The following COMMD10 variants were observed in gnomAD, a reference collection of about 807,000 sequenced individuals.
COMMD10 encodes the protein COMM domain containing 10.
In COMMD10, 33 loss-of-function variants were observed where a neutral mutation model predicts 28.9. The ratio of observed to expected loss-of-function variants is 1.14; its 90% CI spans 0.87 to 1.53. The LOEUF (loss-of-function observed/expected upper bound fraction) is 1.53. Among genes scored for constraint, COMMD10 ranks in the 40% most tolerant of loss-of-function variants. COMMD10 has a pLI of 0.00. For synonymous variants in COMMD10, 110 were observed against 81.7 expected (o/e 1.35, Z -1.87); for missense variants, 310 against 233.4 (o/e 1.33, Z -2.14).
intron 4 of COMMD10, among the ~76,000 whole-genome samples, chr5:116,121,277 T>C (rs1751425091): frequency 6.6e-6 from 1 of 152,184 alleles, no homozygotes; most frequent in African/African-American, 2.4e-5. Context: ...TGATGGTTTC[T>C]GGCTTCATTC....
At chr5:116,148,258 T>A (rs114924669) in intron 5 of COMMD10, among the ~76,000 whole-genome samples, 3,165 of 152,012 alleles carry the variant, frequency 0.021, 76 homozygotes, top group Non-Finnish European at 0.029. Flanking sequence ...TTTAGACATA[T>A]AGTTTAGAAT....
rs1751402190 is a variant in COMMD10 at position 116,292,693 on chromosome 5, G to C, written c.*204G>C. On this transcript the variant is annotated 3_prime_UTR_variant, in exon 7 of 7. Coordinates refer to ENST00000274458, the MANE Select transcript of COMMD10 (RefSeq NM_016144.4). ...TCTAATATACTTTCTTTAGTTCTGT[G>C]AGCCAACAGTAATTATTAAGAACAC... 2.4e-6 allele frequency: 1 copy of C among 418,430 alleles called. No homozygotes were observed. The highest frequency in any genetic ancestry group is 8.9e-5 in the South Asian group (1 of 11,190). The allele number at this position is 418,430 out of a possible 1,614,324, so 25.9% of individuals were successfully genotyped here.
At chr5:116,135,074 T>C (rs1458120790) in intron 5 of COMMD10, among the ~76,000 whole-genome samples, 1 of 152,226 alleles carries the variant, frequency 6.6e-6, no homozygotes, top group Non-Finnish European at 1.5e-5. Flanking sequence ...GAGCTTTTTA[T>C]CATATTTTAT....
intron 5 of COMMD10, among the ~76,000 whole-genome samples, chr5:116,165,581 C>T (rs1753061908): frequency 6.6e-6 from 1 of 151,956 alleles, no homozygotes; most frequent in African/African-American, 2.4e-5. Context: ...TTCACATGAT[C>T]TTTCCTAAGG....
At chr5:116,240,127 G>T (rs898193549) in intron 5 of COMMD10, among the ~76,000 whole-genome samples, 4 of 152,010 alleles carry the variant, frequency 2.6e-5, no homozygotes, top group Admixed American at 6.6e-5. Context: ...CCTCTTTCAG[G>T]TTCAACAAAG....
At chr5:116,226,600 G>A (rs1410538974) in intron 5 of COMMD10, among the ~76,000 whole-genome samples, 2 of 151,570 alleles carry the variant, frequency 1.3e-5, no homozygotes, top group African/African-American at 4.8e-5. Context: ...AATATTGGGG[G>A]ACTTGGGACT....
intron 5 of COMMD10, among the ~76,000 whole-genome samples, chr5:116,187,169 G>C (rs1341427943): frequency 6.6e-6 from 1 of 152,036 alleles, no homozygotes; most frequent in Non-Finnish European, 1.5e-5. Flanking sequence ...CCCAGAAAGT[G>C]TTTTCTTCCT....
Position 116,085,038 on chromosome 5 carries a change from G to C in COMMD10, c.-15G>C, listed in dbSNP as rs1484162986. The C allele has an allele frequency of 6.2e-7, 1 of 1,605,464 alleles. No individual in the cohort carries two copies. The highest frequency in any genetic ancestry group is 8.5e-7 in the Non-Finnish European group (1 of 1,177,572). Reference sequence around the variant, plus strand: ...GGCGCAGCTAACAGACGGCGGCAGTGCGAGAAAGCCGAAGATGGCGGTCCC... The same window carrying C: ...GGCGCAGCTAACAGACGGCGGCAGTCCGAGAAAGCCGAAGATGGCGGTCCC... On this transcript the variant is annotated 5_prime_UTR_variant, in exon 1 of 7. Transcript: ENST00000274458.
At chr5:116,116,618 A>G (rs946317531) in intron 4 of COMMD10, among the ~76,000 whole-genome samples, 5 of 152,036 alleles carry the variant, frequency 3.3e-5, no homozygotes, top group African/African-American at 1.2e-4. Flanking sequence ...GCTTAAATTC[A>G]CTGACTATAC....
chr5:116,152,534 AT>A (rs1181327504), intron 5 of COMMD10, among the ~76,000 whole-genome samples: 1 of 152,016 alleles, frequency 6.6e-6, no homozygotes, highest in Non-Finnish European at 1.5e-5. Flanking sequence ...AAGTCTACAA[AT>A]AGCCTCAAAA....
At chr5:116,199,869 C>G (rs1226686332) in intron 5 of COMMD10, among the ~76,000 whole-genome samples, 1 of 152,142 alleles carries the variant, frequency 6.6e-6, no homozygotes, top group Non-Finnish European at 1.5e-5. Context: ...TATGTAGCAC[C>G]ATGCCTGGCT....
At chr5:116,185,910 C>T (rs921398706) in intron 5 of COMMD10, among the ~76,000 whole-genome samples, 10 of 152,220 alleles carry the variant, frequency 6.6e-5, no homozygotes, top group African/African-American at 1.7e-4. Context: ...TTAGTCTTCT[C>T]TGTACCAACC....
At chr5:116,205,450 T>A (rs1246759060) in intron 5 of COMMD10, among the ~76,000 whole-genome samples, 1 of 152,206 alleles carries the variant, frequency 6.6e-6, no homozygotes, top group Non-Finnish European at 1.5e-5. Flanking sequence ...AGGAAAAGAT[T>A]CCAGTAATCT....
intron 5 of COMMD10, among the ~76,000 whole-genome samples, chr5:116,235,893 T>C (rs1561680003): frequency 6.6e-6 from 1 of 152,322 alleles, no homozygotes; most frequent in East Asian, 1.9e-4. Flanking sequence ...TTAAAATCAA[T>C]AGTTTTCTTC....
At position 116,130,016 on chromosome 5, in the gene COMMD10, T is replaced by G. The variant is rs570392162; in HGVS notation, c.400-4052T>G. On this transcript the variant is annotated intron_variant, in intron 4 of 6. Transcript: ENST00000274458. ...AGGTCAGCAATTTTATTTACTTTTT[T>G]TATTACTCTGTCATATGGCCATGGA... 2.2e-4 allele frequency among the ~76,000 whole-genome samples: 33 copies of G among 151,632 alleles called. 1 individual carries two copies. In the East Asian group the frequency reaches 6.4e-3, roughly 29 times the overall value.
At chr5:116,130,539 TAGGG>T (rs1751830681) in intron 4 of COMMD10, among the ~76,000 whole-genome samples, 1 of 151,962 alleles carries the variant, frequency 6.6e-6, no homozygotes, top group Non-Finnish European at 1.5e-5. Flanking sequence ...GTCCTCTACT[TAGGG>T]AGTGGGTAGT....
chr5:116,184,214 GTC>G (rs201037721), intron 5 of COMMD10, among the ~76,000 whole-genome samples: 23 of 121,940 alleles, frequency 1.9e-4, no homozygotes, highest in Non-Finnish European at 2.8e-4. Flanking sequence ...TCTTAGTTCT[GTC>G]TCTCTTTTTT....
At chr5:116,199,331 T>A (rs1325320364) in intron 5 of COMMD10, among the ~76,000 whole-genome samples, 1 of 152,132 alleles carries the variant, frequency 6.6e-6, no homozygotes, top group African/African-American at 2.4e-5. Flanking sequence ...TTTTAAGAGT[T>A]CTTCATATAT....
intron 5 of COMMD10, among the ~76,000 whole-genome samples, chr5:116,181,747 T>C (rs1346334396): frequency 1.3e-5 from 2 of 152,078 alleles, no homozygotes; most frequent in African/African-American, 4.8e-5. Flanking sequence ...TTTTTTAATT[T>C]AAGAAAGTTA....
Sources: allele counts gnomAD v4.1 joint callset (sites outside exome capture counted in the v4.1 genomes callset), GRCh38; gene constraint gnomAD v4.1.1; transcripts MANE v1.5; gene names NCBI Gene and HGNC (gene_info 2026-07-23, HGNC 2026-07-21).